PNPLA7: variants seen among roughly 807,000 people sequenced by gnomAD.
The protein encoded by PNPLA7 is patatin like domain 7, lysophospholipase, also known as patatin-like phospholipase domain-containing protein 7.
Under a neutral mutation model 161.7 loss-of-function variants are expected in PNPLA7, and 153 were observed. That is an observed-to-expected ratio of 0.95 (90% CI 0.83 to 1.08). PNPLA7 has a LOEUF of 1.08. Among genes scored for constraint, PNPLA7 ranks in the 50% least tolerant of loss-of-function variants. The pLI is 0.00. For synonymous variants in PNPLA7, 809 were observed against 782.1 expected (o/e 1.03, Z -0.57); for missense variants, 1,739 against 1,856.6 (o/e 0.94, Z 1.16).
At chr9:137,460,578 G>A (rs1831130097) in intron 34 of PNPLA7, 56 bp downstream of exon 34, 1 of 1,594,636 alleles carries the variant, frequency 6.3e-7, no homozygotes. Context: ...CCGGCACAGG[G>A]CCAGGCACCA....
Position 137,486,255 on chromosome 9 carries a change from AG to A in PNPLA7, c.2198-1520del, listed in dbSNP as rs1166316977. On this transcript the variant is annotated intron_variant, in intron 20 of 34. Coordinates refer to ENST00000406427, the MANE Select transcript of PNPLA7 (RefSeq NM_001098537.3). This position sits in a 1 kb window ranked among gnomAD's most constrained non-coding sequence, Gnocchi z 6.0. The stretch of plus-strand genomic sequence containing the variant: ...GGACACAGAACCAAGTGAGGGCTTA[AG>A]GGCCACTCCCTGCAGACGGCGGCCA... Among the ~76,000 whole-genome samples the A allele has an allele frequency of 1.3e-5, 2 of 152,210 alleles. No individual in the cohort carries two copies. The highest frequency in any genetic ancestry group is 6.5e-5 in the Admixed American group (1 of 15,300).
intron 15 of PNPLA7, among the ~76,000 whole-genome samples, 165 bp from the exon 16 acceptor site, chr9:137,501,061 C>T (rs1437377254): frequency 2.0e-5 from 3 of 152,188 alleles, no homozygotes; most frequent in Non-Finnish European, 4.4e-5. Flanking sequence ...GCAGCGTCTA[C>T]GGTTTCATGA....
In PNPLA7 at chr9:137,501,155, G is replaced by A. The variant is rs568883728; in HGVS notation, c.1552-259C>T. ...CTCGGACCTGCACACCTTCCCTCCC[G>A]GCACCCGCATACTGACTGTCCCTGG... On this transcript the variant is annotated intron_variant, in intron 15 of 34. Coordinates refer to ENST00000406427, the MANE Select transcript of PNPLA7 (RefSeq NM_001098537.3). Among the ~76,000 whole-genome samples the A allele has an allele frequency of 5.3e-5, 8 of 152,292 alleles. No homozygotes were observed. The East Asian group carries it at 1.2e-3, about 22-fold the overall frequency.
rs1832850511 is a variant in PNPLA7, at chr9:137,492,937, C to A, written c.2197+76G>T. The A allele has an allele frequency of 3.2e-6, 4 of 1,239,848 alleles. No homozygotes were observed. In the South Asian group the frequency reaches 5.1e-5, roughly 16 times the overall value. 76.8% of individuals were successfully genotyped at this position (1,239,848 alleles called of 1,614,324 possible). A position where few individuals can be genotyped will look rare whatever the true frequency, so the allele number is the denominator to read the frequency against. ...GGGGCCATGGGCTGGGAGGGCGGGG[C>A]CATGGGCTGGGTGGGCGGGGCTCCA... On this transcript the variant is annotated intron_variant, in intron 20 of 34. Coordinates refer to ENST00000406427, the MANE Select transcript of PNPLA7 (RefSeq NM_001098537.3).
intron 8 of PNPLA7, among the ~76,000 whole-genome samples, chr9:137,532,434 C>G (rs967864789): frequency 2.0e-5 from 3 of 152,010 alleles, no homozygotes; most frequent in Non-Finnish European, 2.9e-5. Context: ...GAGACTGTCT[C>G]CAAAAAAGAA....
chr9:137,460,615 A>T lies in PNPLA7; in HGVS notation c.3945+19T>A. The stretch of plus-strand genomic sequence containing the variant: ...GGCTCAGCTGTGGGCACCAGGTGGG[A>T]CCATGCCCAGCTCCTCACCAAGTCT... On this transcript the variant is annotated intron_variant, in intron 34 of 34. Coordinates refer to ENST00000406427, the MANE Select transcript of PNPLA7 (RefSeq NM_001098537.3). The T allele has an allele frequency of 6.2e-7, 1 of 1,607,500 alleles. No homozygotes were observed. The highest frequency in any genetic ancestry group is 8.5e-7 in the Non-Finnish European group (1 of 1,176,270).
intron 14 of PNPLA7, among the ~76,000 whole-genome samples, chr9:137,504,466 C>T (rs954221990): frequency 6.6e-6 from 1 of 152,176 alleles, no homozygotes; most frequent in Non-Finnish European, 1.5e-5. Flanking sequence ...CCTGCCTCGG[C>T]CTCCCAAAGT....
At chr9:137,498,086 GC>G (rs772870810) in intron 17 of PNPLA7, 27 bp downstream of exon 17, 13 of 1,605,614 alleles carry the variant, frequency 8.1e-6, no homozygotes, top group African/African-American at 1.3e-5. Context: ...CAGCATGGAT[GC>G]GGAGTGTGTG....
Position 137,486,264 on chromosome 9 carries a change from C to T in PNPLA7, c.2198-1528G>A, listed in dbSNP as rs1352231768. On this transcript the variant is annotated intron_variant, in intron 20 of 34. Coordinates refer to ENST00000406427, the MANE Select transcript of PNPLA7 (RefSeq NM_001098537.3). This position sits in a 1 kb window ranked among gnomAD's most constrained non-coding sequence, Gnocchi z 6.0. ...ACCAAGTGAGGGCTTAAGGGCCACT[C>T]CCTGCAGACGGCGGCCAGCGGACAC... is the stretch of plus-strand genomic sequence containing the variant. 1.3e-5 allele frequency among the ~76,000 whole-genome samples: 2 copies of T among 152,096 alleles called. No homozygotes were observed. Among genetic ancestry groups the T allele is most frequent in the Non-Finnish European group, 2.9e-5 (2 of 68,020 alleles).
chr9:137,475,346 G>A (rs1831899706), intron 25 of PNPLA7, among the ~76,000 whole-genome samples: 1 of 152,166 alleles, frequency 6.6e-6, no homozygotes, highest in Non-Finnish European at 1.5e-5. Context: ...CTGCACGCCA[G>A]CCTGGGCAAC....
intron 14 of PNPLA7, among the ~76,000 whole-genome samples, chr9:137,502,592 CCGA>C (rs201019612): frequency 1.8e-4 from 24 of 131,760 alleles, no homozygotes; most frequent in African/African-American, 6.9e-4. Context: ...CGTTGTCAGC[CCGA>C]GGAGGAGCCG....
intron 8 of PNPLA7, among the ~76,000 whole-genome samples, chr9:137,532,193 T>A (rs1835616379): frequency 6.6e-6 from 1 of 152,198 alleles, no homozygotes; most frequent in Non-Finnish European, 1.5e-5. Context: ...TCCCAGCACT[T>A]TGGGAGGCCC....
chr9:137,483,933 T>TTTATTA (rs1233500243), intron 21 of PNPLA7, among the ~76,000 whole-genome samples: 1 of 151,904 alleles, frequency 6.6e-6, no homozygotes, highest in Non-Finnish European at 1.5e-5. Context: ...ATTCATTGCA[T>TTTATTA]TTATTATTAT....
rs772262289 is a variant in PNPLA7 at position 137,492,987 on chromosome 9, G to A, written c.2197+26C>T. 71 of 1,606,394 alleles carry A rather than the reference G, an allele frequency of 4.4e-5. 1 individual carries two copies. The South Asian group carries it at 7.6e-4, about 17-fold the overall frequency. ...AGGACTGGGTGAGGGCTCCCAGGAG[G>A]CTCTGGGTTGGGAGAGGTGACCCAC... On this transcript the variant is annotated intron_variant, in intron 20 of 34. Transcript: ENST00000406427.
chr9:137,465,735 C>T (rs977790163), intron 26 of PNPLA7, among the ~76,000 whole-genome samples: 1 of 152,184 alleles, frequency 6.6e-6, no homozygotes, highest in Non-Finnish European at 1.5e-5. Context: ...GAGCTGCTGC[C>T]GCACAGGGGG....
At chr9:137,544,729 C>T (rs549974924) in intron 4 of PNPLA7, among the ~76,000 whole-genome samples, 207 of 152,228 alleles carry the variant, frequency 1.4e-3, no homozygotes, top group Admixed American at 2.2e-3. Flanking sequence ...CTACAACCTC[C>T]GCCTCCTGGG....
At chr9:137,538,454 C>G (rs1836010137) in intron 8 of PNPLA7, among the ~76,000 whole-genome samples, 1 of 152,198 alleles carries the variant, frequency 6.6e-6, no homozygotes, top group Non-Finnish European at 1.5e-5. Flanking sequence ...GGACACCACC[C>G]AGGCTCCAGT....
rs1161413766 is a variant in PNPLA7, at chr9:137,550,319, TTA to T, written c.-124_-123del. 1 of 1,095,222 alleles carries T rather than the reference TTA, an allele frequency of 9.1e-7. No homozygotes were observed. The highest frequency in any genetic ancestry group is 1.6e-5 in the African/African-American group (1 of 64,042). The allele number at this position is 1,095,222 out of a possible 1,614,324, so 67.8% of individuals were successfully genotyped here. A position where few individuals can be genotyped will look rare whatever the true frequency, so the allele number is the denominator to read the frequency against. On this transcript the variant is annotated 5_prime_UTR_variant, in exon 1 of 35. Transcript: ENST00000406427. Reference sequence around the variant, plus strand: ...TTCCCTGGGTTCCTTTCAAGTCAAATTATGTTTCACTGAAAGGAAAATCCTGC... The same window carrying T: ...TTCCCTGGGTTCCTTTCAAGTCAAATTGTTTCACTGAAAGGAAAATCCTGC...
At chr9:137,461,449 G>A in intron 33 of PNPLA7, 87 bp downstream of exon 33, 1 of 1,366,490 alleles carries the variant, frequency 7.3e-7, no homozygotes, top group Non-Finnish European at 1.0e-6. Context: ...GGGAGGCCGT[G>A]GGCCTCTGGG....
Sources: allele counts gnomAD v4.1 joint callset (sites outside exome capture counted in the v4.1 genomes callset), GRCh38; gene constraint gnomAD v4.1.1; non-coding constraint Gnocchi (gnomAD v3.1); transcripts MANE v1.5; gene names NCBI Gene and HGNC (gene_info 2026-07-23, HGNC 2026-07-21).